Variants in PLXDC2 observed in about 807,000 individuals in gnomAD.
PLXDC2 encodes the protein plexin domain-containing protein 2.
A neutral mutation model predicts 68.9 loss-of-function variants in PLXDC2; 40 were observed. The ratio of observed to expected loss-of-function variants is 0.58; its 90% CI spans 0.45 to 0.76. PLXDC2 has a LOEUF of 0.76. PLXDC2 is among the 30% of genes least tolerant of loss of function. PLXDC2 has a pLI of 0.00. For synonymous variants in PLXDC2, 243 were observed against 234.2 expected (o/e 1.04, Z -0.34); for missense variants, 644 against 661.9 (o/e 0.97, Z 0.30).
At chr10:19,927,830 G>C (rs1564630964) in intron 1 of PLXDC2, among the ~76,000 whole-genome samples, 2 of 149,796 alleles carry the variant, frequency 1.3e-5, no homozygotes, top group African/African-American at 2.5e-5. Context: ...TATTTCAATA[G>C]CTTTAGGGGT....
chr10:20,117,421 G>T (rs533944341), intron 4 of PLXDC2, among the ~76,000 whole-genome samples: 1 of 152,140 alleles, frequency 6.6e-6, no homozygotes, highest in East Asian at 1.9e-4. Flanking sequence ...GCATGCGTGT[G>T]TGTGAGTGCA....
intron 12 of PLXDC2, among the ~76,000 whole-genome samples, chr10:20,222,464 C>A (rs1036425190): frequency 6.6e-6 from 1 of 152,134 alleles, no homozygotes; most frequent in Non-Finnish European, 1.5e-5. Context: ...TTTCCTGATA[C>A]ATTTATATTA....
chr10:20,051,837 G>T (rs776257728), intron 3 of PLXDC2, among the ~76,000 whole-genome samples: 2 of 151,984 alleles, frequency 1.3e-5, no homozygotes, highest in Non-Finnish European at 2.9e-5. Context: ...TGTTTCTCAA[G>T]AGGGCCAGAT....
intron 2 of PLXDC2, among the ~76,000 whole-genome samples, chr10:20,046,238 G>T (rs1377698168): frequency 2.0e-5 from 3 of 151,952 alleles, no homozygotes; most frequent in African/African-American, 7.2e-5. Flanking sequence ...TGACAAATTA[G>T]ATCTTTGTAC....
chr10:19,876,163 A>C (rs1837627268), intron 1 of PLXDC2, among the ~76,000 whole-genome samples: 1 of 152,084 alleles, frequency 6.6e-6, no homozygotes, highest in South Asian at 2.1e-4. Context: ...ACCAGAAGGA[A>C]AAAAAATAGG....
intron 12 of PLXDC2, among the ~76,000 whole-genome samples, chr10:20,227,387 T>C (rs568569055): frequency 1.3e-5 from 2 of 152,272 alleles, no homozygotes; most frequent in African/African-American, 2.4e-5. Context: ...TGATACTTGA[T>C]CCAAGTTTTG....
chr10:20,038,491 C>T (rs1245405435), intron 2 of PLXDC2, among the ~76,000 whole-genome samples: 1 of 152,084 alleles, frequency 6.6e-6, no homozygotes, highest in Non-Finnish European at 1.5e-5. Flanking sequence ...GACACTCTAA[C>T]AGTAAATTGA....
intron 1 of PLXDC2, among the ~76,000 whole-genome samples, chr10:19,843,510 A>G (rs1836944499): frequency 6.6e-6 from 1 of 152,206 alleles, no homozygotes; most frequent in Non-Finnish European, 1.5e-5. Flanking sequence ...AAAAATAAAC[A>G]TTAGAAAATA....
intron 6 of PLXDC2, among the ~76,000 whole-genome samples, chr10:20,154,649 C>T (rs1163527125): frequency 6.6e-6 from 1 of 151,738 alleles, no homozygotes; most frequent in Admixed American, 6.6e-5. Context: ...TCCTAGGATA[C>T]TCTTACTTTG....
intron 13 of PLXDC2, among the ~76,000 whole-genome samples, chr10:20,277,037 C>T (rs1247531872): frequency 3.3e-5 from 5 of 151,826 alleles, no homozygotes; most frequent in Admixed American, 1.3e-4. Flanking sequence ...TGGTGAAACC[C>T]GTCTCTACTA....
intron 4 of PLXDC2, among the ~76,000 whole-genome samples, chr10:20,095,593 G>A (rs749058457): frequency 9.9e-5 from 15 of 152,084 alleles, no homozygotes; most frequent in Non-Finnish European, 1.6e-4. Context: ...GAGGGAGAGT[G>A]GATTAAGGAC....
Position 20,219,116 on chromosome 10 carries a change from C to T in PLXDC2, c.1312+14C>T, listed in dbSNP as rs771044757. On this transcript the variant is annotated intron_variant, in intron 12 of 13. Coordinates refer to ENST00000377252, the MANE Select transcript of PLXDC2 (RefSeq NM_032812.9). Reference sequence around the variant, plus strand: ...AAGATAATGGAGGTAGGAATTGATACTTTTCTTTCATAAACATCTTTTAAA... The same window carrying T: ...AAGATAATGGAGGTAGGAATTGATATTTTTCTTTCATAAACATCTTTTAAA... The T allele has an allele frequency of 1.3e-6, 2 of 1,597,878 alleles. No homozygotes were observed. Among genetic ancestry groups the T allele is most frequent in the African/African-American group, 1.3e-5 (1 of 74,374 alleles).
rs937901396 is a variant in PLXDC2, at chr10:20,288,851, G to T, written c.*9032G>T. On this transcript the variant is annotated 3_prime_UTR_variant, in exon 14 of 14. Coordinates refer to ENST00000377252, the MANE Select transcript of PLXDC2 (RefSeq NM_032812.9). The stretch of plus-strand genomic sequence containing the variant: ...TCAGTGACACAATTTATCTTTAAAG[G>T]TGTGGAAGCTGGTGGGGACCAAATG... 1 of 152,108 alleles carries T rather than the reference G, an allele frequency of 6.6e-6. No individual in the cohort carries two copies. Among genetic ancestry groups the T allele is most frequent in the Non-Finnish European group, 1.5e-5 (1 of 68,038 alleles). 9.4% of individuals were successfully genotyped at this position (152,108 alleles called of 1,614,324 possible). A position where few individuals can be genotyped will look rare whatever the true frequency, so the allele number is the denominator to read the frequency against.
chr10:19,831,759 A>T (rs555949635), intron 1 of PLXDC2, among the ~76,000 whole-genome samples: 1 of 152,166 alleles, frequency 6.6e-6, no homozygotes, highest in African/African-American at 2.4e-5. Context: ...ATATGATCTC[A>T]TTCTTTTTTG....
intron 1 of PLXDC2, among the ~76,000 whole-genome samples, chr10:19,824,113 C>T (rs938574661): frequency 6.6e-6 from 1 of 152,132 alleles, no homozygotes; most frequent in African/African-American, 2.4e-5. Context: ...GATATTATGC[C>T]ATGAGAAAAT....
intron 13 of PLXDC2, among the ~76,000 whole-genome samples, chr10:20,261,229 C>T (rs1835805299): frequency 6.6e-6 from 1 of 152,054 alleles, no homozygotes; most frequent in Non-Finnish European, 1.5e-5. Flanking sequence ...CTTTTGTTGC[C>T]TGAAGTTTCA....
intron 12 of PLXDC2, among the ~76,000 whole-genome samples, chr10:20,238,745 G>GTATA (rs145188058): frequency 2.6e-4 from 33 of 128,708 alleles, no homozygotes; most frequent in African/African-American, 9.1e-4. Flanking sequence ...ATATATGTGT[G>GTATA]TATATATATA....
chr10:19,895,234 A>G (rs1838038348), intron 1 of PLXDC2, among the ~76,000 whole-genome samples: 1 of 152,144 alleles, frequency 6.6e-6, no homozygotes, highest in Non-Finnish European at 1.5e-5. Flanking sequence ...GAGGTGTCAC[A>G]GGGGCCAGGG....
At chr10:20,106,133 T>G (rs1267397526) in intron 4 of PLXDC2, among the ~76,000 whole-genome samples, 5 of 152,232 alleles carry the variant, frequency 3.3e-5, no homozygotes, top group Non-Finnish European at 7.3e-5. Flanking sequence ...CACATTCATT[T>G]CCATGGCAGG....
Sources: allele counts gnomAD v4.1 joint callset (sites outside exome capture counted in the v4.1 genomes callset), GRCh38; gene constraint gnomAD v4.1.1; transcripts MANE v1.5; gene names NCBI Gene and HGNC (gene_info 2026-07-23, HGNC 2026-07-21).